Variants in NCAM2 observed in about 807,000 individuals in gnomAD.
The protein encoded by NCAM2 is N-CAM-2.
A neutral mutation model predicts 98.1 loss-of-function variants in NCAM2; 30 were observed. The ratio of observed to expected loss-of-function variants is 0.31; its 90% confidence interval spans 0.23 to 0.41. The LOEUF (loss-of-function observed/expected upper bound fraction) is 0.41, where lower values mean the gene tolerates loss of function less well. NCAM2 is among the 10% of genes least tolerant of loss of function. The pLI is 1.00. For synonymous variants in NCAM2, 368 were observed against 342.4 expected (o/e 1.07, Z -0.83); for missense variants, 867 against 1,005.8 (o/e 0.86, Z 1.87).
intron 1 of NCAM2, among the ~76,000 whole-genome samples, chr21:21,178,423 A>G (rs998891244): frequency 6.6e-6 from 1 of 152,132 alleles, no homozygotes; most frequent in Non-Finnish European, 1.5e-5. Context: ...TGATTGCTTC[A>G]TATTTTCCTC....
At chr21:21,134,496 A>G (rs1601459828) in intron 1 of NCAM2, among the ~76,000 whole-genome samples, 1 of 152,030 alleles carries the variant, frequency 6.6e-6, no homozygotes, top group Admixed American at 6.6e-5. Flanking sequence ...TAAAGAGCCT[A>G]ATGGTCCATT....
intron 12 of NCAM2, among the ~76,000 whole-genome samples, chr21:21,452,963 A>ATTT (rs1303827278): frequency 7.2e-4 from 24 of 33,160 alleles, no homozygotes; most frequent in Non-Finnish European, 1.3e-3. Flanking sequence ...TATATTATAT[A>ATTT]TTATATATTA....
At chr21:21,171,542 A>G (rs1413256533) in intron 1 of NCAM2, among the ~76,000 whole-genome samples, 1 of 152,086 alleles carries the variant, frequency 6.6e-6, no homozygotes, top group Non-Finnish European at 1.5e-5. Context: ...CCTTGTAGCA[A>G]TTTTCTCATA....
At chr21:21,049,183 C>A (rs1568966658) in intron 1 of NCAM2, among the ~76,000 whole-genome samples, 1 of 144,288 alleles carries the variant, frequency 6.9e-6, no homozygotes, top group Non-Finnish European at 1.5e-5. Flanking sequence ...CCGCGCCCGG[C>A]TAATTTTTTG....
At chr21:21,519,680 C>T (rs1029624770) in intron 16 of NCAM2, among the ~76,000 whole-genome samples, 2 of 152,070 alleles carry the variant, frequency 1.3e-5, no homozygotes, top group Non-Finnish European at 2.9e-5. Flanking sequence ...TTATTGATCA[C>T]ACAATTTTTA....
intron 7 of NCAM2, among the ~76,000 whole-genome samples, chr21:21,337,659 C>T (rs919202513): frequency 6.6e-6 from 1 of 151,802 alleles, no homozygotes; most frequent in Non-Finnish European, 1.5e-5. Context: ...CTCTCTGGAA[C>T]TATGTAAGTT....
At chr21:21,087,082 G>GCC (rs2065920501) in intron 1 of NCAM2, among the ~76,000 whole-genome samples, 2 of 98,548 alleles carry the variant, frequency 2.0e-5, no homozygotes, top group African/African-American at 7.4e-5. Context: ...GTGTGTGCGT[G>GCC]TGTGTGTGTG....
chr21:21,249,609 C>G (rs940140370), intron 1 of NCAM2, among the ~76,000 whole-genome samples: 3 of 152,132 alleles, frequency 2.0e-5, no homozygotes, highest in African/African-American at 4.8e-5. Flanking sequence ...AATGACCTGC[C>G]TTACAATAAA....
At chr21:21,220,108 T>C (rs1214466201) in intron 1 of NCAM2, among the ~76,000 whole-genome samples, 1 of 152,098 alleles carries the variant, frequency 6.6e-6, no homozygotes, top group Non-Finnish European at 1.5e-5. Flanking sequence ...AAGCTAAAGC[T>C]AAATTACAAT....
chr21:21,246,640 C>T (rs1451405868), intron 1 of NCAM2, among the ~76,000 whole-genome samples: 1 of 152,054 alleles, frequency 6.6e-6, no homozygotes, highest in Non-Finnish European at 1.5e-5. Flanking sequence ...TTCTCTATTT[C>T]ATCTTTATTG....
At chr21:21,217,315 C>T (rs1434568561) in intron 1 of NCAM2, among the ~76,000 whole-genome samples, 2 of 152,050 alleles carry the variant, frequency 1.3e-5, no homozygotes, top group Non-Finnish European at 2.9e-5. Flanking sequence ...CCCCAGAGCA[C>T]GAAGTCCAAA....
intron 9 of NCAM2, among the ~76,000 whole-genome samples, chr21:21,388,025 G>A (rs1232505197): frequency 6.6e-6 from 1 of 152,150 alleles, no homozygotes; most frequent in Non-Finnish European, 1.5e-5. Flanking sequence ...GTTTGAATAA[G>A]GAGCTTGGCT....
At chr21:21,404,602 ACT>A (rs1767932636) in intron 9 of NCAM2, among the ~76,000 whole-genome samples, 1 of 152,082 alleles carries the variant, frequency 6.6e-6, no homozygotes, top group Admixed American at 6.6e-5. Flanking sequence ...ATGAAAACGA[ACT>A]AATACAGTAT....
At chr21:21,468,374 T>G (rs909176056) in intron 13 of NCAM2, among the ~76,000 whole-genome samples, 1 of 152,004 alleles carries the variant, frequency 6.6e-6, no homozygotes, top group African/African-American at 2.4e-5. Flanking sequence ...AAATAAAGTT[T>G]TACATTTGTG....
chr21:21,459,618 A>G (rs1982666824), intron 12 of NCAM2, among the ~76,000 whole-genome samples: 1 of 150,514 alleles, frequency 6.6e-6, no homozygotes, highest in Non-Finnish European at 1.5e-5. Flanking sequence ...GTACACACAT[A>G]TGTATATAGA....
intron 1 of NCAM2, among the ~76,000 whole-genome samples, chr21:21,253,652 A>C: frequency 6.6e-6 from 1 of 152,198 alleles, no homozygotes; most frequent in East Asian, 1.9e-4. Flanking sequence ...TAAGCAACAT[A>C]ATTTTTGGTA....
chr21:21,332,824 A>T (rs148046628), intron 6 of NCAM2, among the ~76,000 whole-genome samples: 1 of 152,318 alleles, frequency 6.6e-6, no homozygotes, highest in East Asian at 1.9e-4. Flanking sequence ...CTCATATGCC[A>T]CTGTCATATG....
At chr21:21,464,656 CA>C (rs1983441377) in intron 12 of NCAM2, among the ~76,000 whole-genome samples, 1 of 152,138 alleles carries the variant, frequency 6.6e-6, no homozygotes, top group African/African-American at 2.4e-5. Context: ...ATCTTAAAGA[CA>C]GTAAAATTCC....
intron 7 of NCAM2, among the ~76,000 whole-genome samples, chr21:21,338,003 ACATATATGTG>A (rs1221383164): frequency 1.3e-5 from 2 of 152,096 alleles, no homozygotes; most frequent in Non-Finnish European, 2.9e-5. Context: ...GTGTATATAT[ACATATATGTG>A]CACACATATG....
Sources: allele counts gnomAD v4.1 joint callset (sites outside exome capture counted in the v4.1 genomes callset), GRCh38; gene constraint gnomAD v4.1.1; transcripts MANE v1.5; gene names NCBI Gene and HGNC (gene_info 2026-07-23, HGNC 2026-07-21).